The following GNAL variants were observed in gnomAD, a reference collection of about 807,000 sequenced individuals.
GNAL encodes G protein subunit alpha L, also known as guanine nucleotide-binding protein G(olf) subunit alpha.
Under a neutral mutation model 55.1 loss-of-function variants are expected in GNAL, and 18 were observed. That is an observed-to-expected ratio of 0.33 (90% CI 0.23 to 0.48). The LOEUF (loss-of-function observed/expected upper bound fraction) is 0.48. Among genes scored for constraint, GNAL ranks in the 20% least tolerant of loss-of-function variants. The probability of loss-of-function intolerance (pLI) is 0.99; values close to 1 mark genes in which losing one functional copy is unlikely to be tolerated. For synonymous variants in GNAL, 253 were observed against 237.0 expected (o/e 1.07, Z -0.62); for missense variants, 412 against 614.1 (o/e 0.67, Z 3.48).
chr18:11,703,795 G>GTGCACACA (rs1555641028), intron 1 of GNAL, among the ~76,000 whole-genome samples: 63 of 141,496 alleles, frequency 4.5e-4, no homozygotes, highest in African/African-American at 1.2e-3. Flanking sequence ...GTGTTGATGG[G>GTGCACACA]CACACACACA....
At chr18:11,831,787 G>T (rs2035388902) in intron 5 of GNAL, among the ~76,000 whole-genome samples, 2 of 152,214 alleles carry the variant, frequency 1.3e-5, no homozygotes, top group African/African-American at 4.8e-5. Context: ...AGGCCCACTG[G>T]CCAGTTGCTG....
intron 5 of GNAL, among the ~76,000 whole-genome samples, chr18:11,840,815 T>C (rs1428743904): frequency 6.6e-6 from 1 of 152,152 alleles, no homozygotes; most frequent in African/African-American, 2.4e-5. Flanking sequence ...GAATGCACTT[T>C]GTCCTTCTTT....
rs2036307156 is a variant in GNAL, at chr18:11,868,097, C to A, written c.911-446C>A. ...CCAAGATTGCGCCATTGCACTCCAGCCTGGGCAACAAGAGTGAAACTCTGT... is the reference window on the plus strand; with the variant it reads ...CCAAGATTGCGCCATTGCACTCCAGACTGGGCAACAAGAGTGAAACTCTGT... On this transcript the variant is annotated intron_variant, in intron 8 of 11. Transcript: ENST00000334049. This position sits in a 1 kb window ranked among gnomAD's most constrained non-coding sequence, Gnocchi z 4.0. Among the ~76,000 whole-genome samples the A allele has an allele frequency of 6.6e-6, 1 of 151,974 alleles. No individual in the cohort carries two copies. The highest frequency in any genetic ancestry group is 6.6e-5 in the Admixed American group (1 of 15,250).
At chr18:11,865,821 A>C (rs768371246) in intron 7 of GNAL, among the ~76,000 whole-genome samples, 19 of 148,238 alleles carry the variant, frequency 1.3e-4, no homozygotes, top group Non-Finnish European at 2.6e-4. Flanking sequence ...GACCCCTTAG[A>C]ATTCCCATTG....
intron 5 of GNAL, among the ~76,000 whole-genome samples, chr18:11,858,301 A>G (rs1280650159): frequency 2.0e-5 from 3 of 152,198 alleles, no homozygotes; most frequent in Admixed American, 6.5e-5. Flanking sequence ...CTACTTCCTT[A>G]TAGTGTCTAC....
rs1000540558 is a variant in GNAL, at chr18:11,866,308, T to C, written c.852-860T>C. Among the ~76,000 whole-genome samples, 3 of 150,330 alleles carry C rather than the reference T, an allele frequency of 2.0e-5. 1 individual carries two copies. Among genetic ancestry groups the C allele is most frequent in the African/African-American group, 7.6e-5 (3 of 39,628 alleles). On this transcript the variant is annotated intron_variant, in intron 7 of 11. Transcript: ENST00000334049. ...GTAAAGCGTACGGATTAAATTCTAA[T>C]AGGATCAGCAACATACCCGCCCAGG...
At chr18:11,795,702 C>A (rs1019707301) in intron 4 of GNAL, among the ~76,000 whole-genome samples, 1 of 152,162 alleles carries the variant, frequency 6.6e-6, no homozygotes, top group Non-Finnish European at 1.5e-5. Context: ...GTGTGTCTGG[C>A]CATGTGGCTG....
At chr18:11,821,884 G>A (rs1022271072) in intron 4 of GNAL, among the ~76,000 whole-genome samples, 3 of 152,242 alleles carry the variant, frequency 2.0e-5, no homozygotes, top group African/African-American at 7.2e-5. Context: ...TCCCTGCAGC[G>A]CACATCCGCC....
rs182982666 is a variant in GNAL, at chr18:11,812,058, G to A, written c.625-12860G>A. On this transcript the variant is annotated intron_variant, in intron 4 of 11. Transcript: ENST00000334049. The stretch of plus-strand genomic sequence containing the variant: ...TCTTAGAGAATTAGGATTTTACAGA[G>A]AGAATCTTAGGTCTATGAGTGGGAG... Among the ~76,000 whole-genome samples, 561 of 152,300 alleles carry A rather than the reference G, an allele frequency of 3.7e-3. 3 individuals are homozygous for A. The highest frequency in any genetic ancestry group is 0.014 in the Middle Eastern group (4 of 294).
chr18:11,831,286 G>T (rs2035377400), intron 5 of GNAL, among the ~76,000 whole-genome samples: 1 of 152,162 alleles, frequency 6.6e-6, no homozygotes, highest in African/African-American at 2.4e-5. Flanking sequence ...CAGAGATGCT[G>T]CCTTGTCCTT....
chr18:11,716,052 G>A (rs190712944), intron 1 of GNAL, among the ~76,000 whole-genome samples: 30 of 152,282 alleles, frequency 2.0e-4, no homozygotes, highest in African/African-American at 7.0e-4. Flanking sequence ...ACTGTTGGTG[G>A]GAGTGTAAAT....
chr18:11,715,369 G>T (rs2031935393), intron 1 of GNAL, among the ~76,000 whole-genome samples: 1 of 150,474 alleles, frequency 6.6e-6, no homozygotes, highest in South Asian at 2.1e-4. Context: ...GCTGAGGCAG[G>T]AGAATGGCAT....
chr18:11,851,991 G>T (rs1158060409), intron 5 of GNAL: 2 of 1,613,610 alleles, frequency 1.2e-6, no homozygotes, highest in Admixed American at 1.7e-5. Flanking sequence ...CAGATGAGGC[G>T]GGCCTCGACC....
intron 1 of GNAL, among the ~76,000 whole-genome samples, chr18:11,740,880 C>A (rs1177231567): frequency 6.6e-6 from 1 of 152,236 alleles, no homozygotes; most frequent in African/African-American, 2.4e-5. Context: ...GTGCCCCTTC[C>A]TCTTTGTCAA....
At chr18:11,772,042 C>T (rs528273573) in intron 4 of GNAL, among the ~76,000 whole-genome samples, 1 of 152,206 alleles carries the variant, frequency 6.6e-6, no homozygotes, top group South Asian at 2.1e-4. Context: ...CAGAGGTGCT[C>T]CTTCTCAGAA....
chr18:11,795,260 G>C (rs886846908), intron 4 of GNAL, among the ~76,000 whole-genome samples: 1 of 151,990 alleles, frequency 6.6e-6, no homozygotes, highest in Non-Finnish European at 1.5e-5. Flanking sequence ...AATTAACCAG[G>C]CATGATAGCA....
intron 5 of GNAL, among the ~76,000 whole-genome samples, chr18:11,848,456 C>T (rs967063428): frequency 4.0e-5 from 6 of 149,658 alleles, no homozygotes; most frequent in African/African-American, 1.2e-4. Context: ...CTTTTTTTTT[C>T]TTTTCTTTTT....
At chr18:11,869,305 A>G (rs2036339439) in intron 9 of GNAL, among the ~76,000 whole-genome samples, 1 of 151,660 alleles carries the variant, frequency 6.6e-6, no homozygotes, top group Non-Finnish European at 1.5e-5. Flanking sequence ...CACCACACCC[A>G]GCTAATATTT....
chr18:11,846,452 TATATATAAATATAC>T (rs1394634665), intron 5 of GNAL, among the ~76,000 whole-genome samples: 1 of 75,852 alleles, frequency 1.3e-5, no homozygotes, highest in East Asian at 4.0e-4. Context: ...AATATAAATA[TATATATAAATATAC>T]ACACACACAC....
Sources: gnomAD v4.1 joint callset for allele counts (sites outside exome capture counted in the v4.1 genomes callset) on GRCh38, gnomAD v4.1.1 for gene constraint, Gnocchi (gnomAD v3.1) non-coding constraint, MANE v1.5 for transcripts, NCBI Gene and HGNC (gene_info 2026-07-23, HGNC 2026-07-21) for gene names.